ROR1: variants seen among roughly 807,000 people sequenced by gnomAD.
The protein encoded by ROR1 is inactive tyrosine-protein kinase transmembrane receptor ROR1.
Under a neutral mutation model 78.8 loss-of-function variants are expected in ROR1, and 19 were observed. The ratio of observed to expected loss-of-function variants is 0.24; its 90% confidence interval spans 0.17 to 0.35. The LOEUF is 0.35. ROR1 is among the 10% of genes least tolerant of loss of function. The pLI is 1.00. For synonymous variants in ROR1, 386 were observed against 433.6 expected (o/e 0.89, Z 1.36); for missense variants, 917 against 1,177.8 (o/e 0.78, Z 3.24).
intron 4 of ROR1, among the ~76,000 whole-genome samples, chr1:64,090,216 T>C (rs958261644): frequency 1.3e-4 from 20 of 152,200 alleles, no homozygotes; most frequent in South Asian, 4.1e-4. Flanking sequence ...TCCAGATCAA[T>C]TGCATTTATT....
chr1:64,062,532 C>T (rs1196374271), intron 4 of ROR1, among the ~76,000 whole-genome samples: 4 of 152,080 alleles, frequency 2.6e-5, no homozygotes, highest in Non-Finnish European at 2.9e-5. Flanking sequence ...AGGATGGTCT[C>T]GAACTCCTGA....
At chr1:63,952,985 G>A (rs1005296010) in intron 1 of ROR1, among the ~76,000 whole-genome samples, 44 of 152,146 alleles carry the variant, frequency 2.9e-4, no homozygotes, top group African/African-American at 9.9e-4. Context: ...CTAAGGGGAT[G>A]GGGATCAATG....
At chr1:64,015,782 G>T (rs189499325) in intron 2 of ROR1, among the ~76,000 whole-genome samples, 11 of 152,228 alleles carry the variant, frequency 7.2e-5, no homozygotes, top group Non-Finnish European at 1.3e-4. Flanking sequence ...CTGGTAGCTG[G>T]TTGGGGTCGT....
chr1:63,903,796 C>CT (rs147907576), intron 1 of ROR1, among the ~76,000 whole-genome samples: 1 of 151,908 alleles, frequency 6.6e-6, no homozygotes, highest in Non-Finnish European at 1.5e-5. Context: ...TTCTCATTCT[C>CT]TTTTTTTCTT....
intron 4 of ROR1, among the ~76,000 whole-genome samples, chr1:64,053,602 G>A (rs553464789): frequency 2.5e-4 from 38 of 152,248 alleles, no homozygotes; most frequent in African/African-American, 9.1e-4. Flanking sequence ...AATCAAGCTA[G>A]CAACATTGTT....
chr1:64,132,708 T>C (rs1487512296), intron 4 of ROR1, among the ~76,000 whole-genome samples: 1 of 130,284 alleles, frequency 7.7e-6, no homozygotes, highest in African/African-American at 3.0e-5. Flanking sequence ...TTCAGTGAGC[T>C]GAGATCGCGC....
At chr1:64,056,986 T>C (rs981622957) in intron 4 of ROR1, among the ~76,000 whole-genome samples, 2 of 152,242 alleles carry the variant, frequency 1.3e-5, no homozygotes, top group African/African-American at 4.8e-5. Flanking sequence ...GATAGTGTTC[T>C]TTGAAACACA....
intron 1 of ROR1, among the ~76,000 whole-genome samples, chr1:63,975,547 T>C (rs956057150): frequency 1.3e-5 from 2 of 152,180 alleles, no homozygotes; most frequent in African/African-American, 4.8e-5. Context: ...TAAGCAGTTA[T>C]GCGGAAACCT....
At chr1:64,045,928 A>G (rs1467728833) in intron 2 of ROR1, among the ~76,000 whole-genome samples, 1 of 152,282 alleles carries the variant, frequency 6.6e-6, no homozygotes, top group East Asian at 1.9e-4. Context: ...AGTCTAGGGA[A>G]GAAGGGAAAA....
chr1:63,939,042 G>A (rs1007641492), intron 1 of ROR1, among the ~76,000 whole-genome samples: 2 of 152,108 alleles, frequency 1.3e-5, no homozygotes, highest in South Asian at 2.1e-4. Context: ...TTACTAAGGA[G>A]CAAATTTCTG....
At position 63,984,957 on chromosome 1, in the gene ROR1, C is replaced by A. The variant is rs144228115; in HGVS notation, c.92-24348C>A. On this transcript the variant is annotated intron_variant, in intron 1 of 8. Coordinates refer to ENST00000371079, the MANE Select transcript of ROR1 (RefSeq NM_005012.4). The stretch of plus-strand genomic sequence containing the variant: ...GAAATCTTTCCTAATGGATTACCCA[C>A]GCACCTCTGTCTTCCGAAGGAGGGC... Among the ~76,000 whole-genome samples, 946 of 152,280 alleles carry A rather than the reference C, an allele frequency of 6.2e-3. 9 individuals carry two copies. The highest frequency in any genetic ancestry group is 0.022 in the African/African-American group (915 of 41,556).
At chr1:63,849,414 A>C (rs1557526244) in intron 1 of ROR1, among the ~76,000 whole-genome samples, 1 of 152,172 alleles carries the variant, frequency 6.6e-6, no homozygotes, top group Non-Finnish European at 1.5e-5. Context: ...TGCCTAAAAT[A>C]GGGTCAGGAG....
chr1:63,776,525 A>G (rs1644617416), intron 1 of ROR1, among the ~76,000 whole-genome samples: 1 of 152,178 alleles, frequency 6.6e-6, no homozygotes, highest in Non-Finnish European at 1.5e-5. Flanking sequence ...GAAACAGAAC[A>G]GGATAGGGAT....
chr1:63,941,865 A>C (rs940461284), intron 1 of ROR1, among the ~76,000 whole-genome samples: 2 of 152,126 alleles, frequency 1.3e-5, no homozygotes, highest in Non-Finnish European at 2.9e-5. Flanking sequence ...CTTACATAGT[A>C]CTCCAGCTTG....
intron 4 of ROR1, among the ~76,000 whole-genome samples, chr1:64,059,215 T>A (rs1364618814): frequency 6.6e-6 from 1 of 152,180 alleles, no homozygotes; most frequent in African/African-American, 2.4e-5. Context: ...GACTAGCTAG[T>A]CTAACTAAAG....
intron 1 of ROR1, among the ~76,000 whole-genome samples, chr1:63,863,804 T>TTGTATTGTAA (rs1273822103): frequency 0.012 from 1,471 of 120,982 alleles, 165 homozygotes; most frequent in African/African-American, 0.047. Context: ...TTGTATTGTA[T>TTGTATTGTAA]CATAGATGGC....
At chr1:64,079,470 A>ATTTTT (rs71056020) in intron 4 of ROR1, among the ~76,000 whole-genome samples, 3 of 146,278 alleles carry the variant, frequency 2.1e-5, no homozygotes, top group Non-Finnish European at 3.0e-5. Flanking sequence ...CTTGATTGGG[A>ATTTTT]TTTTTTTTTT....
At chr1:63,780,170 AT>A (rs533212530) in intron 1 of ROR1, among the ~76,000 whole-genome samples, 283 of 145,110 alleles carry the variant, frequency 2.0e-3, no homozygotes, top group Middle Eastern at 0.014. Context: ...AGAACCATAG[AT>A]TTTTTTTTTT....
At chr1:63,958,114 A>C (rs1424227788) in intron 1 of ROR1, among the ~76,000 whole-genome samples, 1 of 152,160 alleles carries the variant, frequency 6.6e-6, no homozygotes, top group African/African-American at 2.4e-5. Context: ...GCTGTATAGA[A>C]TTTTGTCATA....
Sources: allele counts gnomAD v4.1 joint callset (sites outside exome capture counted in the v4.1 genomes callset), GRCh38; gene constraint gnomAD v4.1.1; transcripts MANE v1.5; gene names NCBI Gene and HGNC (gene_info 2026-07-23, HGNC 2026-07-21).